DNAAF9: variants seen among roughly 807,000 people sequenced by gnomAD.
DNAAF9 encodes the protein dynein axonemal assembly factor 9, also known as shulin.
In DNAAF9, 90 loss-of-function variants were observed where a neutral mutation model predicts 167.0. That is an observed-to-expected ratio of 0.54 (90% CI 0.45 to 0.64). DNAAF9 has a LOEUF of 0.64. Ranked by LOEUF, DNAAF9 falls within the 30% of genes least tolerant of loss-of-function variation. The pLI is 0.00. For missense variants in DNAAF9, 1,315 were observed against 1,442.2 expected (o/e 0.91, Z 1.43); for synonymous variants, 491 against 508.8 (o/e 0.96, Z 0.47).
chr20:3,254,255 T>C (rs917455032), intron 35 of DNAAF9, among the ~76,000 whole-genome samples: 4 of 152,080 alleles, frequency 2.6e-5, no homozygotes, highest in African/African-American at 9.7e-5. Flanking sequence ...ATTTTTGTAT[T>C]TTTAGTACAG....
chr20:3,253,417 G>T lies in DNAAF9; in HGVS notation c.3421+309C>A, dbSNP rs2122718503. ...GATTGCGCCATTGCACTCCAGCCTG[G>T]GCAGCAAGAGTGAAACTCCATCTCC... On this transcript the variant is annotated intron_variant, in intron 36 of 36. Transcript: ENST00000252032. 1.3e-5 allele frequency among the ~76,000 whole-genome samples: 2 copies of T among 152,258 alleles called. 1 individual carries two copies. The highest frequency in any genetic ancestry group is 4.1e-4 in the South Asian group (2 of 4,830).
intron 20 of DNAAF9, chr20:3,307,121 C>A (rs1172027717): frequency 1.0e-6 from 1 of 984,116 alleles, no homozygotes; most frequent in Non-Finnish European, 1.2e-6. Context: ...TCCATTTACT[C>A]AATAGGAAGA....
intron 23 of DNAAF9, 122 bp from the exon 24 acceptor site, chr20:3,294,751 CAT>C: frequency 1.5e-6 from 1 of 654,216 alleles, no homozygotes; most frequent in Non-Finnish European, 2.7e-6. Flanking sequence ...CCAAAACACA[CAT>C]CTCAGACTTA....
chr20:3,252,744 C>A, intron 36 of DNAAF9, 60 bp from the exon 37 acceptor site: 1 of 1,018,342 alleles, frequency 9.8e-7, no homozygotes, highest in African/African-American at 1.6e-5. Flanking sequence ...CTGCCTGAGC[C>A]CAGAGCGGCC....
intron 1 of DNAAF9, among the ~76,000 whole-genome samples, chr20:3,390,417 G>A (rs2083811166): frequency 6.7e-6 from 1 of 149,916 alleles, no homozygotes; most frequent in Non-Finnish European, 1.5e-5. Context: ...CCAGGCTGGA[G>A]TGCGGTGGCA....
In DNAAF9 at chr20:3,374,141, T is replaced by C; in HGVS notation, c.519A>G (p.Ile173Met). The C allele has an allele frequency of 6.2e-7, 1 of 1,609,144 alleles. No homozygotes were observed. Reference protein sequence around the residue: ...IPYSSQGHLQIFDMFVVEKWP... With the variant: ...IPYSSQGHLQMFDMFVVEKWP... ...ATTTCTCCACCACAAACATATCAAA[T>C]ATCTGCAAGTGACCTAGAAGAATCA... Residue 173 changes from isoleucine to methionine, a missense_variant, in exon 6 of 37, where the codon ATA becomes ATG. This residue lies in a region of DNAAF9 where 981 missense variants were observed against 1,012.5 expected (regional missense o/e 0.97). Coordinates refer to ENST00000252032, the MANE Select transcript of DNAAF9 (RefSeq NM_001009984.3).
chr20:3,349,277 G>A (rs1382082937), intron 7 of DNAAF9, among the ~76,000 whole-genome samples: 1 of 151,412 alleles, frequency 6.6e-6, no homozygotes, highest in Non-Finnish European at 1.5e-5. Context: ...AGCTACTCAG[G>A]AGGCTGAGGC....
rs1416081111 is a variant in DNAAF9 at position 3,252,656 on chromosome 20, C to G, written c.3450G>C (p.Val1150=). 2 of 1,609,884 alleles carry G rather than the reference C, an allele frequency of 1.2e-6. No homozygotes were observed. Among genetic ancestry groups the G allele is most frequent in the African/African-American group, 2.7e-5 (2 of 74,836 alleles). The change falls in exon 37 of 37, where the codon GTG becomes GTC. Residue 1150 remains valine (V), a synonymous_variant. Transcript: ENST00000252032. ...PLMDQFMNDY[V]EEANREIEKY... ...TCTCAATTTCCCGGTTGGCTTCTTC[C>G]ACGTAGTCATTCATGAACTGGTCCA... is the stretch of plus-strand genomic sequence containing the variant.
intron 14 of DNAAF9, 133 bp from the exon 15 acceptor site, chr20:3,322,829 C>T: frequency 1.3e-6 from 1 of 756,856 alleles, no homozygotes. Flanking sequence ...ACAGATTTAC[C>T]CTATTTTGGA....
At position 3,265,444 on chromosome 20, in the gene DNAAF9, G is replaced by C. The variant is rs183194852; in HGVS notation, c.2787-920C>G. Among the ~76,000 whole-genome samples, 471 of 151,452 alleles carry C rather than the reference G, an allele frequency of 3.1e-3. 4 individuals carry two copies. The highest frequency in any genetic ancestry group is 0.011 in the African/African-American group (436 of 41,328). On this transcript the variant is annotated intron_variant, in intron 30 of 36. Coordinates refer to ENST00000252032, the MANE Select transcript of DNAAF9 (RefSeq NM_001009984.3). ...TAGCTGGGCGTGGTGGCACGCGCCT[G>C]TAGTCCCAGCTACTTAGGAGGCCGA... is the stretch of plus-strand genomic sequence containing the variant.
intron 7 of DNAAF9, among the ~76,000 whole-genome samples, chr20:3,357,734 C>T (rs76505426): frequency 0.062 from 9,455 of 151,738 alleles, 376 homozygotes; most frequent in Non-Finnish European, 0.082. Context: ...TGTTGTTGCC[C>T]GGGCTGGAGT....
chr20:3,249,676 A>T lies in DNAAF9; in HGVS notation c.*2896T>A, dbSNP rs1392756529. 2 of 152,208 alleles carry T rather than the reference A, an allele frequency of 1.3e-5. No individual in the cohort carries two copies. Among genetic ancestry groups the T allele is most frequent in the African/African-American group, 4.8e-5 (2 of 41,448 alleles). The allele number at this position is 152,208 out of a possible 1,614,324, so 9.4% of individuals were successfully genotyped here. On this transcript the variant is annotated 3_prime_UTR_variant, in exon 37 of 37. Coordinates refer to ENST00000252032, the MANE Select transcript of DNAAF9 (RefSeq NM_001009984.3). ...TTCTCACCTACTTTTTTGAGGTACA[A>T]CTATCCAACTAGATCAGCAACACGG...
intron 6 of DNAAF9, chr20:3,361,853 G>T: frequency 1.4e-6 from 2 of 1,457,202 alleles, no homozygotes; most frequent in South Asian, 2.3e-5. Flanking sequence ...GGGGGGAAGG[G>T]GAAGGGCCTG....
At position 3,315,933 on chromosome 20, in the gene DNAAF9, C is replaced by T. The variant is rs2069493285; in HGVS notation, c.1540-148G>A. 2.9e-6 allele frequency: 2 copies of T among 690,904 alleles called. No homozygotes were observed. Among genetic ancestry groups the T allele is most frequent in the Non-Finnish European group, 5.2e-6 (2 of 382,392 alleles). The allele number at this position is 690,904 out of a possible 1,614,324, so 42.8% of individuals were successfully genotyped here. A position where few individuals can be genotyped will look rare whatever the true frequency, so the allele number is the denominator to read the frequency against. On this transcript the variant is annotated intron_variant, in intron 18 of 36. Coordinates refer to ENST00000252032, the MANE Select transcript of DNAAF9 (RefSeq NM_001009984.3). This position sits in a 1 kb window ranked among gnomAD's most constrained non-coding sequence, Gnocchi z 4.1. ...TCCAGTGCTCTCAGGCCCTGACACA[C>T]CTGAGATGTCTGCTGGTCACCTGGG...
Position 3,281,623 on chromosome 20 carries a change from AC to A in DNAAF9, c.2612+17del. ...CAAATCACTTTCAGTACACTTACAC[AC>A]CATATCCTGTATCTACCTGTGCTCC... On this transcript the variant is annotated intron_variant, in intron 28 of 36. Transcript: ENST00000252032. The A allele has an allele frequency of 4.4e-6, 7 of 1,588,390 alleles. No individual in the cohort carries two copies. Among genetic ancestry groups the A allele is most frequent in the Non-Finnish European group, 6.0e-6 (7 of 1,170,378 alleles).
At chr20:3,282,518 G>C (rs577486453) in intron 27 of DNAAF9, among the ~76,000 whole-genome samples, 1 of 152,262 alleles carries the variant, frequency 6.6e-6, no homozygotes, top group South Asian at 2.1e-4. Flanking sequence ...AGATGCCAGA[G>C]AGATATGCTA....
chr20:3,315,884 G>A lies in DNAAF9; in HGVS notation c.1540-99C>T. ...TCAAATATTTCCAGGACACTGGCTG[G>A]ACAGTCCTTCCACCATGTCCATGTC... On this transcript the variant is annotated intron_variant, in intron 18 of 36. Coordinates refer to ENST00000252032, the MANE Select transcript of DNAAF9 (RefSeq NM_001009984.3). The surrounding 1 kb of genome is among the most constrained non-coding windows in gnomAD (Gnocchi z 4.1). 1.1e-6 allele frequency: 1 copy of A among 915,008 alleles called. No homozygotes were observed. Among genetic ancestry groups the A allele is most frequent in the Non-Finnish European group, 1.8e-6 (1 of 544,372 alleles). The allele number at this position is 915,008 out of a possible 1,614,324, so 56.7% of individuals were successfully genotyped here.
intron 33 of DNAAF9, 82 bp downstream of exon 33, chr20:3,259,398 G>A (rs2068338696): frequency 3.3e-6 from 3 of 914,898 alleles, no homozygotes; most frequent in African/African-American, 1.6e-5. Context: ...GGTCTGCAGA[G>A]CACCAGCAGA....
intron 15 of DNAAF9, 104 bp from the exon 16 acceptor site, chr20:3,322,366 G>C: frequency 1.1e-6 from 1 of 930,936 alleles, no homozygotes; most frequent in Non-Finnish European, 1.7e-6. Flanking sequence ...TCATAGATTC[G>C]GATTGCTCTT....
Sources: allele counts gnomAD v4.1 joint callset (sites outside exome capture counted in the v4.1 genomes callset), GRCh38; gene constraint gnomAD v4.1.1; regional missense constraint gnomAD v4.1.1; non-coding constraint Gnocchi (gnomAD v3.1); transcripts MANE v1.5; gene names NCBI Gene and HGNC (gene_info 2026-07-23, HGNC 2026-07-21).